Variants in P2RY14 observed in about 807,000 individuals in gnomAD.
P2RY14 encodes the protein P2Y purinoceptor 14.
A neutral mutation model predicts 0.9 loss-of-function variants in P2RY14; 2 were observed. The observed-to-expected ratio is 2.16, with a 90% CI of 0.88 to 6.79. P2RY14 has a LOEUF of 6.79. P2RY14 is among the 30% of genes most tolerant of loss of function. The pLI is 0.05. For synonymous variants in P2RY14, 158 were observed against 147.2 expected (o/e 1.07, Z -0.53); for missense variants, 378 against 400.1 (o/e 0.94, Z 0.47).
rs61159567 is a variant in P2RY14 at position 151,264,536 on chromosome 3, G to A, written c.-133+13751C>T. Among the ~76,000 whole-genome samples the A allele has an allele frequency of 5.7e-3, 861 of 152,330 alleles. 6 individuals are homozygous for A. The highest frequency in any genetic ancestry group is 0.02 in the African/African-American group (828 of 41,566). ...ACATCTCTAAGATAACCATAACCCA[G>A]TATGGAGAGTTTTCTCATTTATAGT... On this transcript the variant is annotated intron_variant, in intron 1 of 2. Coordinates refer to ENST00000309170, the MANE Select transcript of P2RY14 (RefSeq NM_014879.4).
chr3:151,259,431 T>G (rs1738456606), intron 1 of P2RY14, among the ~76,000 whole-genome samples: 1 of 152,212 alleles, frequency 6.6e-6, no homozygotes, highest in Non-Finnish European at 1.5e-5. Flanking sequence ...GTCTTCTAAC[T>G]TATTAGTCAA....
chr3:151,251,018 T>G (rs1043253370), intron 1 of P2RY14, among the ~76,000 whole-genome samples: 1 of 152,208 alleles, frequency 6.6e-6, no homozygotes, highest in Non-Finnish European at 1.5e-5. Context: ...TTGATGATGA[T>G]TCTCTCTGTG....
intron 1 of P2RY14, among the ~76,000 whole-genome samples, chr3:151,253,650 T>C (rs893482757): frequency 6.6e-6 from 1 of 152,170 alleles, no homozygotes; most frequent in African/African-American, 2.4e-5. Context: ...ATTTTTTCTT[T>C]TTTTGTGAGG....
chr3:151,215,124 T>TC (rs1204745115), intron 2 of P2RY14, among the ~76,000 whole-genome samples: 8 of 151,994 alleles, frequency 5.3e-5, no homozygotes, highest in Admixed American at 2.0e-4. Flanking sequence ...TTTTTTTTTT[T>TC]CCCATTGAAA....
chr3:151,245,030 A>G (rs1454651613), intron 1 of P2RY14, among the ~76,000 whole-genome samples: 2 of 152,150 alleles, frequency 1.3e-5, no homozygotes, highest in Admixed American at 6.5e-5. Flanking sequence ...AGAAATGGAT[A>G]AATTCCTTGA....
intron 2 of P2RY14, among the ~76,000 whole-genome samples, 197 bp from the exon 3 acceptor site, chr3:151,214,537 C>G (rs1334622711): frequency 6.6e-6 from 1 of 151,930 alleles, no homozygotes; most frequent in Non-Finnish European, 1.5e-5. Flanking sequence ...TCCTTTTCTC[C>G]TTTCCCTCCC....
chr3:151,270,035 G>A, intron 1 of P2RY14: 1 of 234,910 alleles, frequency 4.3e-6, no homozygotes, highest in Non-Finnish European at 8.3e-6. Context: ...AAGAAGGATG[G>A]GAAGATATTG....
intron 1 of P2RY14, among the ~76,000 whole-genome samples, chr3:151,233,693 A>G (rs1732169431): frequency 6.6e-6 from 1 of 152,232 alleles, no homozygotes; most frequent in Admixed American, 6.5e-5. Flanking sequence ...AGATCGTGCC[A>G]TTGCACTCCA....
intron 1 of P2RY14, among the ~76,000 whole-genome samples, chr3:151,254,375 G>T (rs1190399990): frequency 6.6e-6 from 1 of 152,176 alleles, no homozygotes; most frequent in Non-Finnish European, 1.5e-5. Context: ...ATTTACGTTT[G>T]AAGGATTGCA....
chr3:151,242,443 C>A (rs1364784108), intron 1 of P2RY14, among the ~76,000 whole-genome samples: 2 of 151,872 alleles, frequency 1.3e-5, no homozygotes, highest in African/African-American at 4.8e-5. Flanking sequence ...CGGCAGACTG[C>A]CTCCTCAAGT....
At chr3:151,275,435 G>T (rs1741691996) in intron 1 of P2RY14, among the ~76,000 whole-genome samples, 1 of 152,024 alleles carries the variant, frequency 6.6e-6, no homozygotes, top group African/African-American at 2.4e-5. Context: ...AACAACAGAT[G>T]GGAGGTTTCA....
chr3:151,217,469 C>T (rs1218849848), intron 2 of P2RY14, among the ~76,000 whole-genome samples: 1 of 152,242 alleles, frequency 6.6e-6, no homozygotes, highest in Admixed American at 6.5e-5. Flanking sequence ...AAGGGACTGA[C>T]TGACCAAGGT....
intron 1 of P2RY14, chr3:151,241,884 C>T (rs1734178006): frequency 6.5e-6 from 1 of 153,386 alleles, no homozygotes; most frequent in South Asian, 2.1e-4. Context: ...GGGTTCATCT[C>T]ACTAGGGAGT....
intron 1 of P2RY14, among the ~76,000 whole-genome samples, chr3:151,227,325 T>C (rs540186666): frequency 1.3e-4 from 20 of 152,344 alleles, no homozygotes; most frequent in African/African-American, 4.8e-4. Flanking sequence ...CTCTTGATCT[T>C]CGTATTCACA....
chr3:151,247,126 A>G (rs1735725654), intron 1 of P2RY14, among the ~76,000 whole-genome samples: 1 of 152,152 alleles, frequency 6.6e-6, no homozygotes, highest in Non-Finnish European at 1.5e-5. Context: ...GGTGCTGGAG[A>G]GGATGTGGAG....
chr3:151,238,111 A>C (rs1337755359), intron 1 of P2RY14, among the ~76,000 whole-genome samples: 1 of 151,644 alleles, frequency 6.6e-6, no homozygotes, highest in Admixed American at 6.6e-5. Flanking sequence ...TTCTGTCCTA[A>C]AGTTTAGAAC....
At chr3:151,239,858 ACAC>A (rs1301671830) in intron 1 of P2RY14, among the ~76,000 whole-genome samples, 1 of 152,258 alleles carries the variant, frequency 6.6e-6, no homozygotes, top group Non-Finnish European at 1.5e-5. Context: ...TCAAAAAAGG[ACAC>A]CACATTTTAT....
chr3:151,220,767 T>C (rs1008073353), intron 1 of P2RY14, among the ~76,000 whole-genome samples: 2 of 152,236 alleles, frequency 1.3e-5, no homozygotes, highest in Non-Finnish European at 2.9e-5. Context: ...TTTTGTAAAC[T>C]GTCCTGTTTC....
Position 151,276,384 on chromosome 3 carries a change from C to G in P2RY14, c.-133+1903G>C, listed in dbSNP as rs182228238. ...ATATAATTTTCAATTAAAGGAAACA[C>G]TCCTTATTGTCCATCATCCTCCACT... On this transcript the variant is annotated intron_variant, in intron 1 of 2. Coordinates refer to ENST00000309170, the MANE Select transcript of P2RY14 (RefSeq NM_014879.4). 6.5e-3 allele frequency among the ~76,000 whole-genome samples: 984 copies of G among 152,350 alleles called. 7 individuals are homozygous for G. The highest frequency in any genetic ancestry group is 0.014 in the South Asian group (67 of 4,828).
Sources: gnomAD v4.1 joint callset for allele counts (sites outside exome capture counted in the v4.1 genomes callset) on GRCh38, gnomAD v4.1.1 for gene constraint, MANE v1.5 for transcripts, NCBI Gene and HGNC (gene_info 2026-07-23, HGNC 2026-07-21) for gene names.